The following CNTN5 variants were observed in gnomAD, a reference collection of about 807,000 sequenced individuals.
CNTN5 encodes contactin-5.
A neutral mutation model predicts 129.1 loss-of-function variants in CNTN5; 77 were observed. The observed-to-expected ratio is 0.60, with a 90% CI of 0.50 to 0.72. CNTN5 has a LOEUF of 0.72. Ranked by LOEUF, CNTN5 falls within the 30% of genes least tolerant of loss-of-function variation. CNTN5 has a pLI of 0.00. For synonymous variants in CNTN5, 509 were observed against 465.6 expected (o/e 1.09, Z -1.20); for missense variants, 1,478 against 1,328.8 (o/e 1.11, Z -1.75).
intron 18 of CNTN5, among the ~76,000 whole-genome samples, chr11:100,285,747 G>T (rs1358030077): frequency 1.3e-5 from 2 of 152,170 alleles, no homozygotes; most frequent in African/African-American, 4.8e-5. Flanking sequence ...GAAAAATACT[G>T]AGGAGCCAAG....
At chr11:99,506,329 G>A (rs1946617326) in intron 2 of CNTN5, among the ~76,000 whole-genome samples, 1 of 152,174 alleles carries the variant, frequency 6.6e-6, no homozygotes, top group South Asian at 2.1e-4. Context: ...AATGGCATGA[G>A]ACAGTTATTC....
chr11:100,306,469 T>C (rs1951351955), intron 20 of CNTN5, among the ~76,000 whole-genome samples: 1 of 151,686 alleles, frequency 6.6e-6, no homozygotes, highest in African/African-American at 2.4e-5. Flanking sequence ...GCTTCAGCAA[T>C]ATAAAAGCTG....
At chr11:100,259,877 T>G (rs904951557) in intron 17 of CNTN5, among the ~76,000 whole-genome samples, 13 of 144,482 alleles carry the variant, frequency 9.0e-5, no homozygotes, top group African/African-American at 3.3e-4. Flanking sequence ...AAAATCACAA[T>G]TAAAAGAACT....
chr11:99,756,345 C>T (rs571694142), intron 3 of CNTN5, among the ~76,000 whole-genome samples: 16 of 152,182 alleles, frequency 1.1e-4, no homozygotes, highest in African/African-American at 3.9e-4. Context: ...TATATGATTG[C>T]AGTCCAGAGG....
At chr11:100,315,523 A>C (rs955092909) in intron 21 of CNTN5, among the ~76,000 whole-genome samples, 1 of 152,172 alleles carries the variant, frequency 6.6e-6, no homozygotes, top group African/African-American at 2.4e-5. Flanking sequence ...TAGCAATTTT[A>C]TCCCTTTCTG....
intron 1 of CNTN5, among the ~76,000 whole-genome samples, chr11:99,148,007 A>G (rs1859868798): frequency 6.6e-6 from 1 of 152,134 alleles, no homozygotes; most frequent in African/African-American, 2.4e-5. Flanking sequence ...TCATGCCAAT[A>G]AAAACAATAG....
chr11:100,179,925 CCACAA>C (rs577466094), intron 13 of CNTN5, among the ~76,000 whole-genome samples: 5 of 152,034 alleles, frequency 3.3e-5, no homozygotes, highest in Middle Eastern at 6.8e-3. Context: ...TAAATCTTTC[CCACAA>C]AGAAAACTTT....
In CNTN5 at chr11:99,643,189, T is replaced by C. The variant is rs527248408; in HGVS notation, c.55+86920T>C. Among the ~76,000 whole-genome samples, 78 of 152,168 alleles carry C rather than the reference T, an allele frequency of 5.1e-4. 1 individual carries two copies. Among genetic ancestry groups the C allele is most frequent in the Middle Eastern group, 3.4e-3 (1 of 294 alleles). ...GTATTTTATGCAACCAAAACAAGGA[T>C]GTGCAAAATCTCAATAATGGGGAAC... On this transcript the variant is annotated intron_variant, in intron 3 of 24. Transcript: ENST00000524871.
chr11:99,792,187 G>C (rs2135439595), intron 3 of CNTN5, among the ~76,000 whole-genome samples: 1 of 152,140 alleles, frequency 6.6e-6, no homozygotes, highest in South Asian at 2.1e-4. Context: ...AGTTCTCAAG[G>C]GGCATGCTTT....
intron 3 of CNTN5, among the ~76,000 whole-genome samples, chr11:99,588,343 C>CAAAA (rs149362368): frequency 4.5e-4 from 42 of 93,014 alleles, no homozygotes; most frequent in Non-Finnish European, 5.5e-4. Flanking sequence ...GACTCCTTCT[C>CAAAA]AAAAAAAAAA....
intron 1 of CNTN5, among the ~76,000 whole-genome samples, chr11:99,224,292 T>C (rs773982556): frequency 3.9e-5 from 6 of 152,192 alleles, no homozygotes; most frequent in Non-Finnish European, 7.3e-5. Context: ...AAATGACAAG[T>C]GCATGCAATG....
intron 3 of CNTN5, among the ~76,000 whole-genome samples, chr11:99,809,402 C>G (rs1193871393): frequency 6.6e-6 from 1 of 151,966 alleles, no homozygotes; most frequent in Non-Finnish European, 1.5e-5. Context: ...TTTTATTATA[C>G]TTTTTAAAAA....
intron 2 of CNTN5, among the ~76,000 whole-genome samples, chr11:99,534,191 T>TCAATAATA (rs1280357813): frequency 6.6e-6 from 1 of 152,220 alleles, no homozygotes; most frequent in Non-Finnish European, 1.5e-5. Flanking sequence ...TGCGACTTGG[T>TCAATAATA]CAATAATATA....
At position 100,067,794 on chromosome 11, in the gene CNTN5, G is replaced by A. The variant is rs989606774; in HGVS notation, c.1163-2630G>A. Among the ~76,000 whole-genome samples the A allele has an allele frequency of 1.7e-4, 26 of 151,336 alleles. 1 individual carries two copies. The East Asian group carries it at 3.3e-3, about 19-fold the overall frequency. ...CAGATATGATAGCACATTTATGTTC[G>A]TATCTTCAGAGTAAGCATTTTACCT... On this transcript the variant is annotated intron_variant, in intron 10 of 24. Coordinates refer to ENST00000524871, the MANE Select transcript of CNTN5 (RefSeq NM_014361.4).
At chr11:99,753,467 G>A (rs1944304392) in intron 3 of CNTN5, among the ~76,000 whole-genome samples, 1 of 151,338 alleles carries the variant, frequency 6.6e-6, no homozygotes, top group Non-Finnish European at 1.5e-5. Context: ...GCGAAAGGAA[G>A]GGCTAAAATA....
At chr11:99,667,153 CAT>C (rs1952826234) in intron 3 of CNTN5, among the ~76,000 whole-genome samples, 2 of 151,824 alleles carry the variant, frequency 1.3e-5, no homozygotes, top group South Asian at 4.2e-4. Context: ...ATCCTTGAAT[CAT>C]AGTTGTTTTT....
chr11:99,177,666 C>T (rs189190342), intron 1 of CNTN5, among the ~76,000 whole-genome samples: 34 of 152,064 alleles, frequency 2.2e-4, no homozygotes, highest in Middle Eastern at 6.8e-3. Flanking sequence ...TACATAGTTA[C>T]GTGTCTGGAA....
intron 4 of CNTN5, among the ~76,000 whole-genome samples, chr11:99,843,105 T>C (rs1361541534): frequency 6.6e-6 from 1 of 152,088 alleles, no homozygotes; most frequent in Non-Finnish European, 1.5e-5. Context: ...GTGGCTGTAA[T>C]TGCAGCTACT....
intron 6 of CNTN5, among the ~76,000 whole-genome samples, chr11:99,858,283 T>C (rs1269190555): frequency 6.6e-6 from 1 of 152,114 alleles, no homozygotes. Flanking sequence ...GTCATTTATA[T>C]CAATTCTGTT....
Sources: allele counts gnomAD v4.1 joint callset (sites outside exome capture counted in the v4.1 genomes callset), GRCh38; gene constraint gnomAD v4.1.1; transcripts MANE v1.5; gene names NCBI Gene and HGNC (gene_info 2026-07-23, HGNC 2026-07-21).